Variants in USP48 observed in about 807,000 individuals in gnomAD.
USP48 encodes ubiquitin carboxyl-terminal hydrolase 48.
Under a neutral mutation model 150.7 loss-of-function variants are expected in USP48, and 43 were observed. The observed-to-expected ratio is 0.29, with a 90% confidence interval of 0.22 to 0.37. The LOEUF is 0.37. USP48 is among the 10% of genes least tolerant of loss of function. The probability of loss-of-function intolerance (pLI) is 1.00; values close to 1 mark genes in which losing one functional copy is unlikely to be tolerated. For synonymous variants in USP48, 396 were observed against 425.9 expected, an observed-to-expected ratio of 0.93 and a Z score of 0.86; for missense variants, 813 against 1,249.6, an observed-to-expected ratio of 0.65 and a Z score of 5.27.
chr1:21,770,772 G>A (rs1009693253), intron 1 of USP48, among the ~76,000 whole-genome samples: 9 of 151,810 alleles, frequency 5.9e-5, no homozygotes, highest in Non-Finnish European at 7.4e-5. Context: ...ATGAGCCACT[G>A]CACCTGGCCA....
intron 10 of USP48, 110 bp from the exon 11 acceptor site, chr1:21,728,829 C>G: frequency 7.6e-7 from 1 of 1,313,468 alleles, no homozygotes; most frequent in Non-Finnish European, 1.0e-6. Flanking sequence ...GGCAGAAATT[C>G]CAACTATGGT....
intron 1 of USP48, among the ~76,000 whole-genome samples, chr1:21,776,304 A>C (rs1445332527): frequency 1.3e-5 from 2 of 152,164 alleles, no homozygotes; most frequent in African/African-American, 4.8e-5. Context: ...GTCCTGACAC[A>C]TGTGGTCTTT....
intron 19 of USP48, 21 bp downstream of exon 19, chr1:21,705,706 A>G (rs1347556343): frequency 6.6e-7 from 1 of 1,525,764 alleles, no homozygotes; most frequent in Middle Eastern, 1.7e-4. Flanking sequence ...AAAAAAAATC[A>G]CATGAAGAGA....
At chr1:21,775,571 G>T (rs1054937332) in intron 1 of USP48, among the ~76,000 whole-genome samples, 28 of 152,190 alleles carry the variant, frequency 1.8e-4, no homozygotes, top group Non-Finnish European at 3.8e-4. Context: ...AGGGTTTTGG[G>T]ACTAGAGCTA....
chr1:21,715,934 A>C (rs928015830), intron 14 of USP48, among the ~76,000 whole-genome samples: 3 of 152,194 alleles, frequency 2.0e-5, no homozygotes, highest in Admixed American at 6.5e-5. Context: ...TAAGACCCTC[A>C]ATGGATGCCT....
chr1:21,728,733 A>C lies in USP48; in HGVS notation c.1301-14T>G, dbSNP rs769128556. 6.2e-7 allele frequency: 1 copy of C among 1,612,660 alleles called. No homozygotes were observed. Among genetic ancestry groups the C allele is most frequent in the Non-Finnish European group, 8.5e-7 (1 of 1,179,656 alleles). On this transcript the variant is annotated splice_polypyrimidine_tract_variant and intron_variant, in intron 10 of 26. Coordinates refer to ENST00000308271, the MANE Select transcript of USP48 (RefSeq NM_032236.8). ...CTTGAAGAAAGGCTATTCAAAACAG[A>C]AAGACAAAAAACAACTTTATTCTTG...
At chr1:21,702,103 T>A (rs912172940) in intron 21 of USP48, among the ~76,000 whole-genome samples, 2 of 152,296 alleles carry the variant, frequency 1.3e-5, no homozygotes, top group East Asian at 3.9e-4. Flanking sequence ...TAATATTTTA[T>A]ACCAGAGAAC....
chr1:21,772,213 A>G (rs902706260), intron 1 of USP48, among the ~76,000 whole-genome samples: 8 of 152,150 alleles, frequency 5.3e-5, no homozygotes, highest in African/African-American at 1.9e-4. Context: ...CAGAAACCAT[A>G]AAAAAAGCAT....
At position 21,703,587 on chromosome 1, in the gene USP48, C is replaced by T. The variant is rs1479623983; in HGVS notation, c.2547G>A (p.Leu849=). 1 of 1,608,956 alleles carries T rather than the reference C, an allele frequency of 6.2e-7. No homozygotes were observed. Among genetic ancestry groups the T allele is most frequent in the Admixed American group, 1.7e-5 (1 of 59,794 alleles). The change falls in exon 21 of 27, where the codon TTG becomes TTA. Residue 849 remains leucine, a synonymous_variant. Transcript: ENST00000308271. The part of the protein sequence containing the change: ...KLCPECREGL[L]CQQQRDLREY... ...CACGCAGGTCCCTCTGCTGCTGACA[C>T]AATAAGCCTTCTCTGCATTCTGGAC...
chr1:21,761,080 T>A (rs2097848826), intron 1 of USP48, among the ~76,000 whole-genome samples: 1 of 148,396 alleles, frequency 6.7e-6, no homozygotes. Context: ...GGACAACAAG[T>A]GGAAACTTTG....
intron 25 of USP48, chr1:21,686,353 G>A (rs2097580273): frequency 6.6e-6 from 1 of 152,156 alleles, no homozygotes; most frequent in Admixed American, 6.5e-5. Context: ...ATTGAGGTAT[G>A]TTCCTTCTGT....
intron 1 of USP48, among the ~76,000 whole-genome samples, chr1:21,772,514 T>A (rs1454359247): frequency 6.6e-6 from 1 of 151,740 alleles, no homozygotes; most frequent in South Asian, 2.1e-4. Context: ...TCCCAGCTAC[T>A]TGGGAGGCTG....
At position 21,756,700 on chromosome 1, in the gene USP48, G is replaced by T. The variant is rs751658092; in HGVS notation, c.258C>A (p.Asn86Lys). 2.1e-5 allele frequency: 34 copies of T among 1,612,830 alleles called. No individual in the cohort carries two copies. The highest frequency in any genetic ancestry group is 2.9e-5 in the Non-Finnish European group (34 of 1,179,678). ...DDPNCERRKK[N>K]SFVGLTNLGA... ...CAAGGTTAGTCAGGCCCACAAATGAGTTCTACAAAAATACAAAATTCATAA... is the reference window on the plus strand; with the variant it reads ...CAAGGTTAGTCAGGCCCACAAATGATTTCTACAAAAATACAAAATTCATAA... Residue 86 changes from asparagine (N) to lysine (K), a missense_variant and splice_region_variant, in exon 3 of 27, where the codon AAC becomes AAA. Coordinates refer to ENST00000308271, the MANE Select transcript of USP48 (RefSeq NM_032236.8).
chr1:21,760,606 C>A (rs1410525933), intron 1 of USP48, among the ~76,000 whole-genome samples: 2 of 151,784 alleles, frequency 1.3e-5, no homozygotes, highest in African/African-American at 2.4e-5. Context: ...CCCAGCTACC[C>A]AGGAGGCTGA....
intron 3 of USP48, among the ~76,000 whole-genome samples, chr1:21,754,377 C>A (rs2097825818): frequency 6.6e-6 from 1 of 152,144 alleles, no homozygotes; most frequent in Non-Finnish European, 1.5e-5. Context: ...GTGAAGAATA[C>A]AAAACCGTAG....
intron 11 of USP48, among the ~76,000 whole-genome samples, chr1:21,726,252 A>C (rs1450007222): frequency 5.9e-5 from 9 of 152,156 alleles, no homozygotes; most frequent in Admixed American, 5.9e-4. Flanking sequence ...CAGGAATTCA[A>C]AGCCTAGGGT....
At chr1:21,705,992 A>C (rs1557457980) in intron 18 of USP48, 134 bp downstream of exon 18, 1 of 1,119,232 alleles carries the variant, frequency 8.9e-7, no homozygotes, top group East Asian at 2.5e-5. Flanking sequence ...AATAGAAAAG[A>C]AAGCTTTCAG....
intron 25 of USP48, among the ~76,000 whole-genome samples, chr1:21,684,227 T>G (rs536422741): frequency 6.6e-6 from 1 of 152,258 alleles, no homozygotes; most frequent in African/African-American, 2.4e-5. Context: ...CCATAATGGC[T>G]GTACTAATTT....
At chr1:21,741,147 A>G (rs945270123) in intron 8 of USP48, among the ~76,000 whole-genome samples, 4 of 152,258 alleles carry the variant, frequency 2.6e-5, no homozygotes, top group African/African-American at 9.6e-5. Context: ...ACCAAGTGTT[A>G]CAGCTCTTTT....
Sources: gnomAD v4.1 joint callset for allele counts (sites outside exome capture counted in the v4.1 genomes callset) on GRCh38, gnomAD v4.1.1 for gene constraint, MANE v1.5 for transcripts, NCBI Gene and HGNC (gene_info 2026-07-23, HGNC 2026-07-21) for gene names.